The following AGBL1 variants were observed in gnomAD, a reference collection of about 807,000 sequenced individuals.
AGBL1 encodes the protein cytosolic carboxypeptidase 4.
AGBL1 carries 130 observed loss-of-function variants against 118.9 expected under a neutral mutation model. That is an observed-to-expected ratio of 1.09 (90% confidence interval 0.95 to 1.26). The LOEUF (loss-of-function observed/expected upper bound fraction) is 1.26, where lower values mean the gene tolerates loss of function less well. AGBL1 is among the 50% of genes most tolerant of loss of function. AGBL1 has a pLI of 0.00. For synonymous variants in AGBL1, 555 were observed against 478.9 expected (o/e 1.16, Z -2.08); for missense variants, 1,584 against 1,298.1 (o/e 1.22, Z -3.38).
chr15:86,158,180 C>T (rs1411646634), intron 4 of AGBL1, among the ~76,000 whole-genome samples: 2 of 152,180 alleles, frequency 1.3e-5, no homozygotes, highest in East Asian at 1.9e-4. Context: ...GTTCCAGGAA[C>T]ATGCACTCTG....
At chr15:86,452,040 A>G (rs1273425327) in intron 18 of AGBL1, among the ~76,000 whole-genome samples, 3 of 152,114 alleles carry the variant, frequency 2.0e-5, no homozygotes, top group Non-Finnish European at 4.4e-5. Context: ...GACAGCCTCA[A>G]TGGATTGGTG....
chr15:86,917,225 G>A (rs1305855621), downstream of AGBL1, among the ~76,000 whole-genome samples: 1 of 152,088 alleles, frequency 6.6e-6, no homozygotes, highest in Non-Finnish European at 1.5e-5. This position sits in a 1 kb window ranked among gnomAD's most constrained non-coding sequence, Gnocchi z 4.8. Context: ...TGTGCAGTTG[G>A]TCCACCCACT....
At chr15:86,536,164 T>G (rs2083423394) in intron 19 of AGBL1, among the ~76,000 whole-genome samples, 1 of 152,214 alleles carries the variant, frequency 6.6e-6, no homozygotes, top group African/African-American at 2.4e-5. Flanking sequence ...TGTATATTTT[T>G]ACTGACACAA....
intron 22 of AGBL1, among the ~76,000 whole-genome samples, chr15:86,771,636 T>C (rs1050922338): frequency 2.6e-5 from 4 of 152,014 alleles, no homozygotes; most frequent in Admixed American, 6.6e-5. Flanking sequence ...ACTGGTAACA[T>C]GTTCGGTAAA....
At chr15:86,191,650 G>A (rs1013075250) in intron 5 of AGBL1, among the ~76,000 whole-genome samples, 1 of 152,088 alleles carries the variant, frequency 6.6e-6, no homozygotes, top group Non-Finnish European at 1.5e-5. Context: ...CTCTACCAGA[G>A]TGGCCTTAGA....
At chr15:86,477,742 A>G (rs183989055) in intron 18 of AGBL1, among the ~76,000 whole-genome samples, 14 of 152,342 alleles carry the variant, frequency 9.2e-5, no homozygotes, top group African/African-American at 3.1e-4. Flanking sequence ...TGAGGCCAGC[A>G]TCGTTCTGAG....
intron 22 of AGBL1, among the ~76,000 whole-genome samples, chr15:86,900,299 G>T (rs917162846): frequency 1.3e-5 from 2 of 152,000 alleles, no homozygotes; most frequent in African/African-American, 4.8e-5. Flanking sequence ...TATCCTATTA[G>T]TTCTGTCCCT....
In AGBL1 at chr15:86,869,832, C is replaced by T. The variant is rs947554683; in HGVS notation, c.3159-37255C>T. Among the ~76,000 whole-genome samples the T allele has an allele frequency of 5.3e-5, 8 of 152,094 alleles. No homozygotes were observed. In the East Asian group the frequency reaches 1.5e-3, roughly 29 times the overall value. On this transcript the variant is annotated intron_variant, in intron 22 of 22. Transcript: ENST00000614907. ...TCTAAGCTTGATCATCTCTTGAGAT[C>T]CTTTCTACCTTAAGTCATTAAATTG...
At chr15:86,249,603 C>T (rs1357499231) in intron 7 of AGBL1, among the ~76,000 whole-genome samples, 3 of 152,106 alleles carry the variant, frequency 2.0e-5, no homozygotes, top group Non-Finnish European at 4.4e-5. Context: ...CTTGTGGTTG[C>T]CCAAGTCTCT....
chr15:86,896,478 G>A (rs949553220), intron 22 of AGBL1, among the ~76,000 whole-genome samples: 2 of 151,542 alleles, frequency 1.3e-5, no homozygotes, highest in African/African-American at 2.4e-5. Context: ...AGAATTACAT[G>A]GTTTGTGATT....
chr15:86,845,908 C>T (rs539639511), intron 22 of AGBL1, among the ~76,000 whole-genome samples: 1 of 152,236 alleles, frequency 6.6e-6, no homozygotes, highest in African/African-American at 2.4e-5. Flanking sequence ...ATATGTATGA[C>T]TCTATTGTGT....
chr15:86,348,523 T>C (rs1270213105), intron 17 of AGBL1, among the ~76,000 whole-genome samples: 1 of 152,202 alleles, frequency 6.6e-6, no homozygotes, highest in Non-Finnish European at 1.5e-5. Context: ...CTTACGCCTG[T>C]AATTCCAGCA....
intron 22 of AGBL1, among the ~76,000 whole-genome samples, chr15:86,899,830 A>C (rs976809195): frequency 2.6e-5 from 4 of 152,138 alleles, no homozygotes; most frequent in African/African-American, 9.7e-5. Flanking sequence ...GAAGGATGCG[A>C]CATATTATTC....
chr15:86,387,346 G>A (rs1322764132), intron 17 of AGBL1, among the ~76,000 whole-genome samples: 2 of 152,170 alleles, frequency 1.3e-5, no homozygotes, highest in African/African-American at 2.4e-5. Context: ...GGCTGGGCCA[G>A]CTGGAGTGGG....
At chr15:86,895,565 T>G (rs559189621) in intron 22 of AGBL1, among the ~76,000 whole-genome samples, 1 of 152,230 alleles carries the variant, frequency 6.6e-6, no homozygotes. Flanking sequence ...AGAATTGCAG[T>G]TTGGGGTTCA....
At chr15:86,758,777 G>T (rs1381952752) in intron 22 of AGBL1, among the ~76,000 whole-genome samples, 1 of 151,696 alleles carries the variant, frequency 6.6e-6, no homozygotes, top group Non-Finnish European at 1.5e-5. Context: ...TTTGAGACTA[G>T]CCTGGGCAAC....
intron 5 of AGBL1, among the ~76,000 whole-genome samples, chr15:86,179,705 T>C (rs1163174669): frequency 6.6e-6 from 1 of 152,068 alleles, no homozygotes; most frequent in Admixed American, 6.5e-5. Context: ...TTCTAGTCAG[T>C]GAAATAAGGC....
At chr15:86,981,613 C>G (rs532556006) in intron 23 of AGBL1, among the ~76,000 whole-genome samples, 1 of 152,136 alleles carries the variant, frequency 6.6e-6, no homozygotes. Flanking sequence ...GATTGTTTTT[C>G]GTCACAGAAA....
chr15:86,927,863 C>A (rs1012737), intron 23 of AGBL1, among the ~76,000 whole-genome samples: 97,850 of 151,754 alleles, frequency 0.64, 32,236 homozygotes, highest in South Asian at 0.85. Flanking sequence ...CTGACCTCAC[C>A]CTTCCCTTTA....
Sources: gnomAD v4.1 joint callset for allele counts (sites outside exome capture counted in the v4.1 genomes callset) on GRCh38, gnomAD v4.1.1 for gene constraint, Gnocchi (gnomAD v3.1) non-coding constraint, MANE v1.5 for transcripts, NCBI Gene and HGNC (gene_info 2026-07-23, HGNC 2026-07-21) for gene names.